The following ZNF385D variants were observed in gnomAD, a reference collection of about 807,000 sequenced individuals.
ZNF385D encodes zinc finger protein 385D.
A neutral mutation model predicts 35.8 loss-of-function variants in ZNF385D; 15 were observed. That is an observed-to-expected ratio of 0.42 (90% CI 0.28 to 0.64). The LOEUF (loss-of-function observed/expected upper bound fraction) is 0.64. Ranked by LOEUF, ZNF385D falls within the 30% of genes least tolerant of loss-of-function variation. The pLI, the probability that ZNF385D is intolerant of heterozygous loss-of-function variation, is 0.23. For synonymous variants in ZNF385D, 212 were observed against 186.8 expected, an observed-to-expected ratio of 1.13 and a Z score of -1.10; for missense variants, 474 against 494.6, an observed-to-expected ratio of 0.96 and a Z score of 0.39.
chr3:21,591,621 T>C (rs2063978455), intron 2 of ZNF385D, among the ~76,000 whole-genome samples: 1 of 152,186 alleles, frequency 6.6e-6, no homozygotes, highest in Non-Finnish European at 1.5e-5. Context: ...GAAACCCACA[T>C]GCAATACATT....
intron 2 of ZNF385D, among the ~76,000 whole-genome samples, chr3:21,606,695 C>T (rs2064494495): frequency 6.6e-6 from 1 of 152,156 alleles, no homozygotes; most frequent in African/African-American, 2.4e-5. Flanking sequence ...TATAGGAAGC[C>T]ATCTGCAAGA....
At chr3:22,182,235 A>G (rs1695329205) in intron 2 of ZNF385D, among the ~76,000 whole-genome samples, 1 of 152,210 alleles carries the variant, frequency 6.6e-6, no homozygotes, top group African/African-American at 2.4e-5. Context: ...TATTAAAATT[A>G]GAAAGTAACC....
At chr3:21,869,303 G>A (rs372891771) in intron 3 of ZNF385D, among the ~76,000 whole-genome samples, 7 of 152,128 alleles carry the variant, frequency 4.6e-5, no homozygotes, top group South Asian at 2.1e-4. Context: ...CTTCAGAGGC[G>A]GACATAGGTA....
chr3:21,559,460 TTTTC>T (rs2062861876), intron 3 of ZNF385D, among the ~76,000 whole-genome samples: 1 of 148,726 alleles, frequency 6.7e-6, no homozygotes, highest in Non-Finnish European at 1.5e-5. Context: ...TTGAACATTC[TTTTC>T]TTTAAGAATG....
chr3:21,945,508 A>G (rs749580790), intron 3 of ZNF385D, among the ~76,000 whole-genome samples: 1 of 152,224 alleles, frequency 6.6e-6, no homozygotes, highest in African/African-American at 2.4e-5. Flanking sequence ...GTAAAACAAA[A>G]ATAATAATGC....
chr3:22,369,772 G>A (rs987812531), intron 2 of ZNF385D, among the ~76,000 whole-genome samples: 2 of 151,984 alleles, frequency 1.3e-5, no homozygotes, highest in African/African-American at 2.4e-5. Context: ...ACATGACAAA[G>A]TTATCTTACT....
intron 2 of ZNF385D, among the ~76,000 whole-genome samples, chr3:22,202,276 T>C (rs1696848557): frequency 6.6e-6 from 1 of 152,100 alleles, no homozygotes; most frequent in Non-Finnish European, 1.5e-5. Flanking sequence ...GTTACTGACA[T>C]TGTAAAAGGT....
chr3:21,975,075 C>T (rs1226870083), intron 3 of ZNF385D, among the ~76,000 whole-genome samples: 1 of 152,068 alleles, frequency 6.6e-6, no homozygotes, highest in Non-Finnish European at 1.5e-5. Context: ...AGGTATGTAC[C>T]CAAAAGAGAG....
chr3:21,871,080 C>A (rs577090666), intron 3 of ZNF385D, among the ~76,000 whole-genome samples: 2 of 152,130 alleles, frequency 1.3e-5, no homozygotes, highest in Non-Finnish European at 1.5e-5. Flanking sequence ...TGAAGACTCT[C>A]CCCAACTCTG....
intron 3 of ZNF385D, among the ~76,000 whole-genome samples, chr3:22,035,590 T>C (rs1181698440): frequency 6.6e-6 from 1 of 152,176 alleles, no homozygotes. Context: ...TGATGAATTG[T>C]CATAATGGTA....
intron 2 of ZNF385D, among the ~76,000 whole-genome samples, chr3:22,260,899 A>G (rs559530360): frequency 1.3e-5 from 2 of 152,190 alleles, no homozygotes; most frequent in East Asian, 3.9e-4. Flanking sequence ...GTAGAACAAT[A>G]AGTTTAATAA....
intron 3 of ZNF385D, among the ~76,000 whole-genome samples, chr3:21,519,315 G>C (rs1461471208): frequency 1.3e-5 from 2 of 152,122 alleles, no homozygotes; most frequent in East Asian, 3.8e-4. Context: ...TTACATGGCT[G>C]TGAAAAAAAT....
chr3:21,787,944 C>CAAAAAAAAAAAAAAAAAAAAAAAAAA (rs560982379), intron 3 of ZNF385D, among the ~76,000 whole-genome samples: 6 of 75,382 alleles, frequency 8.0e-5, no homozygotes, highest in Non-Finnish European at 1.4e-4. Flanking sequence ...TTCGTCTCAA[C>CAAAAAAAAAAAAAAAAAAAAAAAAAA]AAAAAAAAAA....
chr3:21,835,915 T>G (rs1259722430), intron 3 of ZNF385D, among the ~76,000 whole-genome samples: 2 of 152,084 alleles, frequency 1.3e-5, no homozygotes, highest in Admixed American at 1.3e-4. Context: ...ATTCCAAATA[T>G]GATTTTTAAA....
At chr3:22,042,865 T>C (rs1698753274) in intron 3 of ZNF385D, among the ~76,000 whole-genome samples, 2 of 152,200 alleles carry the variant, frequency 1.3e-5, no homozygotes, top group African/African-American at 2.4e-5. Flanking sequence ...CAGACATATG[T>C]CAAAGTAAAT....
At chr3:21,547,269 C>T (rs955537728) in intron 3 of ZNF385D, among the ~76,000 whole-genome samples, 5 of 152,122 alleles carry the variant, frequency 3.3e-5, no homozygotes, top group African/African-American at 1.2e-4. Context: ...GCCCAACCTG[C>T]CAGCAAAAGC....
chr3:21,443,984 A>G (rs1415300111), intron 4 of ZNF385D, among the ~76,000 whole-genome samples: 1 of 152,154 alleles, frequency 6.6e-6, no homozygotes, highest in Non-Finnish European at 1.5e-5. Flanking sequence ...TATGTGCTAC[A>G]TGTATTACAT....
intron 3 of ZNF385D, among the ~76,000 whole-genome samples, chr3:22,060,371 C>T (rs2125540240): frequency 6.6e-6 from 1 of 152,264 alleles, no homozygotes; most frequent in Non-Finnish European, 1.5e-5. Context: ...TAATGTTTAA[C>T]ACTAAATTCA....
At chr3:22,096,360 A>T (rs1205005117) in intron 3 of ZNF385D, among the ~76,000 whole-genome samples, 1 of 132,228 alleles carries the variant, frequency 7.6e-6, no homozygotes, top group Admixed American at 7.6e-5. Context: ...AAATTTTTTT[A>T]AAAGAAAAAA....
Sources: gnomAD v4.1 joint callset for allele counts (sites outside exome capture counted in the v4.1 genomes callset) on GRCh38, gnomAD v4.1.1 for gene constraint, MANE v1.5 for transcripts, NCBI Gene and HGNC (gene_info 2026-07-23, HGNC 2026-07-21) for gene names.